Variants in PDGFRB observed in about 807,000 individuals in gnomAD.
The protein encoded by PDGFRB is platelet-derived growth factor receptor beta.
In PDGFRB, 42 loss-of-function variants were observed where a neutral mutation model predicts 120.2. The ratio of observed to expected loss-of-function variants is 0.35; its 90% CI spans 0.27 to 0.45. The LOEUF (loss-of-function observed/expected upper bound fraction) is 0.45. Ranked by LOEUF, PDGFRB falls within the 20% of genes least tolerant of loss-of-function variation. The pLI, the probability that PDGFRB is intolerant of heterozygous loss-of-function variation, is 1.00. For missense variants in PDGFRB, 1,149 were observed against 1,476.3 expected, an observed-to-expected ratio of 0.78 and a Z score of 3.63; for synonymous variants, 586 against 606.8, an observed-to-expected ratio of 0.97 and a Z score of 0.50.
At chr5:150,127,843 A>AAC (rs1435973572) in intron 10 of PDGFRB, among the ~76,000 whole-genome samples, 1 of 148,212 alleles carries the variant, frequency 6.7e-6, no homozygotes, top group East Asian at 2.1e-4. Context: ...TAAAAAAAAA[A>AAC]AAAAAAAAAA....
At position 150,114,561 on chromosome 5, in the gene PDGFRB, G is replaced by A. The variant is rs921940321; in HGVS notation, c.*1202C>T. 2 of 233,070 alleles carry A rather than the reference G, an allele frequency of 8.6e-6. No homozygotes were observed. Among genetic ancestry groups the A allele is most frequent in the Middle Eastern group, 1.2e-3 (1 of 808 alleles). The allele number at this position is 233,070 out of a possible 1,614,324, so 14.4% of individuals were successfully genotyped here. ...GCTGCTGGGGGCTTTCCAGGACACC[G>A]GCTGTCACTCTAAGTCAAGGCCTGT... On this transcript the variant is annotated 3_prime_UTR_variant, in exon 23 of 23. Coordinates refer to ENST00000261799, the MANE Select transcript of PDGFRB (RefSeq NM_002609.4).
Position 150,125,520 on chromosome 5 carries a change from C to G in PDGFRB, c.1732G>C (p.Glu578Gln). 6.2e-7 allele frequency: 1 copy of G among 1,613,990 alleles called. No homozygotes were observed. Among genetic ancestry groups the G allele is most frequent in the Non-Finnish European group, 8.5e-7 (1 of 1,179,842 alleles). Residue 578 changes from glutamate to glutamine, a missense_variant, in exon 12 of 23, where the codon GAG becomes CAG. Physicochemically the swap from Glu to Gln is conservative, Grantham distance 29 (BLOSUM62 2). Around this residue, in one of 3 missense-constraint regions of PDGFRB, gnomAD observed 879 missense variants for 1,108.6 expected, o/e 0.79. Transcript: ENST00000261799. ...VIESVSSDGHEYIYVDPMQLP... is the reference protein window; with the variant it reads ...VIESVSSDGHQYIYVDPMQLP... Reference sequence around the variant, plus strand: ...TGCATGGGGTCCACGTAGATGTACTCATGGCCGTCAGAGCTCACAGACTCA... The same window carrying G: ...TGCATGGGGTCCACGTAGATGTACTGATGGCCGTCAGAGCTCACAGACTCA...
intron 1 of PDGFRB, among the ~76,000 whole-genome samples, chr5:150,154,344 T>C (rs952129001): frequency 1.3e-5 from 2 of 152,044 alleles, no homozygotes; most frequent in African/African-American, 2.4e-5. Flanking sequence ...CACGGGGAGA[T>C]TCCAACCTCT....
chr5:150,151,347 T>C (rs1445348892), intron 1 of PDGFRB, among the ~76,000 whole-genome samples: 1 of 152,180 alleles, frequency 6.6e-6, no homozygotes, highest in African/African-American at 2.4e-5. Context: ...CCCATAGGGT[T>C]CTAGGGTCTG....
At chr5:150,128,734 T>A (rs1416071569) in intron 10 of PDGFRB, among the ~76,000 whole-genome samples, 1 of 152,210 alleles carries the variant, frequency 6.6e-6, no homozygotes, top group Admixed American at 6.5e-5. Context: ...CTGAATCCCA[T>A]AGCTGGGCAT....
chr5:150,143,614 C>T (rs1165659427), intron 1 of PDGFRB, among the ~76,000 whole-genome samples: 1 of 152,186 alleles, frequency 6.6e-6, no homozygotes. Flanking sequence ...CAGCCTGGGC[C>T]TGGCGGCAAG....
intron 4 of PDGFRB, 25 bp from the exon 5 acceptor site, chr5:150,134,033 T>A (rs1273434786): frequency 3.7e-6 from 6 of 1,612,802 alleles, no homozygotes; most frequent in South Asian, 1.1e-5. Flanking sequence ...TTGGCTTAGG[T>A]CTGGGGAAGT....
intron 10 of PDGFRB, among the ~76,000 whole-genome samples, chr5:150,127,332 G>C (rs1454550528): frequency 6.6e-6 from 1 of 152,020 alleles, no homozygotes; most frequent in Non-Finnish European, 1.5e-5. Flanking sequence ...CCCCTGCCCT[G>C]CCCTGCTGGC....
chr5:150,150,020 A>G (rs1761029294), intron 1 of PDGFRB, among the ~76,000 whole-genome samples: 1 of 152,226 alleles, frequency 6.6e-6, no homozygotes, highest in Non-Finnish European at 1.5e-5. Flanking sequence ...AGAGGAAACT[A>G]TGATTAGAAT....
Position 150,132,234 on chromosome 5 carries a change from T to C in PDGFRB, c.1128-140A>G. The C allele has an allele frequency of 1.6e-6, 1 of 609,744 alleles. No individual in the cohort carries two copies. The highest frequency in any genetic ancestry group is 3.0e-6 in the Non-Finnish European group (1 of 336,018). The allele number at this position is 609,744 out of a possible 1,614,324, so 37.8% of individuals were successfully genotyped here. ...TCGGCATTGGTAGCAGAGCCGGGAC[T>C]CAAACCAGGTCTCGTAAATCCTCAC... On this transcript the variant is annotated intron_variant, in intron 7 of 22. Transcript: ENST00000261799. The surrounding 1 kb of genome is among the most constrained non-coding windows in gnomAD (Gnocchi z 5.0).
intron 1 of PDGFRB, among the ~76,000 whole-genome samples, chr5:150,150,244 C>T (rs1761036598): frequency 6.6e-6 from 1 of 152,198 alleles, no homozygotes; most frequent in South Asian, 2.1e-4. Context: ...GAGCCCAGGT[C>T]CCAGGCTCAG....
intron 2 of PDGFRB, 47 bp from the exon 3 acceptor site, chr5:150,135,925 C>T (rs769037726): frequency 7.2e-7 from 1 of 1,389,982 alleles, no homozygotes; most frequent in East Asian, 2.4e-5. Context: ...GGCTTCAGCA[C>T]CTCTCCCAAG....
intron 10 of PDGFRB, among the ~76,000 whole-genome samples, chr5:150,129,040 C>T (rs1483599363): frequency 1.3e-5 from 2 of 152,200 alleles, no homozygotes; most frequent in Non-Finnish European, 2.9e-5. Context: ...AGAAATTACA[C>T]GTGTATGTGT....
intron 21 of PDGFRB, 78 bp from the exon 22 acceptor site, chr5:150,117,928 C>T: frequency 1.3e-6 from 1 of 792,594 alleles, no homozygotes; most frequent in Non-Finnish European, 2.1e-6. Flanking sequence ...CTAACCGAGC[C>T]CATCCCCCTT....
rs17708515 is a variant in PDGFRB, at chr5:150,135,817, G to A, written c.102C>T (p.Val34=). The A allele has an allele frequency of 7.4e-3, 11,713 of 1,579,558 alleles. 401 individuals carry two copies. The highest frequency in any genetic ancestry group is 0.063 in the Admixed American group (3,465 of 55,386). ...LLEPQISQGL[V]VTPPGPELVL... ...CAAGCTCTGGCCCCGGGGGTGTGAC[G>A]ACCAGGCCCTGAGAGATCTGTGGTT... is the stretch of plus-strand genomic sequence containing the variant. The change falls in exon 3 of 23, where the codon GTC becomes GTT. Residue 34 remains valine (V), a synonymous_variant. Coordinates refer to ENST00000261799, the MANE Select transcript of PDGFRB (RefSeq NM_002609.4).
rs540480924 is a variant in PDGFRB, at chr5:150,129,864, A to G, written c.1472T>C (p.Val491Ala). 2.3e-5 allele frequency: 37 copies of G among 1,614,054 alleles called. No homozygotes were observed. The Admixed American group carries it at 5.3e-4, about 23-fold the overall frequency. ...GTGCTGCAGACGCAGTGTGCTCACCACCTCAAACTCCTGCTCCTCCTCCCA... is the reference window on the plus strand; with the variant it reads ...GTGCTGCAGACGCAGTGTGCTCACCGCCTCAAACTCCTGCTCCTCCTCCCA... ...TYWEEEQEFE[V>A]VSTLRLQHVD... The change falls in exon 10 of 23, where the codon GTG becomes GCG. Residue 491 changes from valine to alanine, a missense_variant. Physicochemically the swap from Val to Ala is moderately conservative, Grantham distance 64. This residue lies in a region of PDGFRB where 879 missense variants were observed against 1,108.6 expected (regional missense o/e 0.79). Transcript: ENST00000261799.
In PDGFRB at chr5:150,132,623, C is replaced by T; in HGVS notation, c.1127+127G>A. On this transcript the variant is annotated intron_variant, in intron 7 of 22. Transcript: ENST00000261799. The surrounding 1 kb of genome is among the most constrained non-coding windows in gnomAD (Gnocchi z 5.0). ...TGTCAGCTCTGGTCGCTGCAGCATCCCCAGCACCTGGCACCTAATATGCTC... is the reference window on the plus strand; with the variant it reads ...TGTCAGCTCTGGTCGCTGCAGCATCTCCAGCACCTGGCACCTAATATGCTC... 2 of 843,656 alleles carry T rather than the reference C, an allele frequency of 2.4e-6. No individual in the cohort carries two copies. The highest frequency in any genetic ancestry group is 3.6e-6 in the Non-Finnish European group (2 of 549,570). The allele number at this position is 843,656 out of a possible 1,614,324, so 52.3% of individuals were successfully genotyped here.
rs1368376 is a variant in PDGFRB at position 150,125,764 on chromosome 5, A to G, written c.1675-187T>C. Among the ~76,000 whole-genome samples, 7,787 of 152,280 alleles carry G rather than the reference A, an allele frequency of 0.051. 259 individuals carry two copies. The highest frequency in any genetic ancestry group is 0.075 in the Non-Finnish European group (5,098 of 68,008). Reference sequence around the variant, plus strand: ...CTTCGTGGGCTCGGAGGGAACAGGGACCAAGGGGCCCCAGAGGAGGCTTCA... The same window carrying G: ...CTTCGTGGGCTCGGAGGGAACAGGGGCCAAGGGGCCCCAGAGGAGGCTTCA... On this transcript the variant is annotated intron_variant, in intron 11 of 22. Transcript: ENST00000261799.
chr5:150,137,816 C>T (rs1434971718), intron 1 of PDGFRB, among the ~76,000 whole-genome samples: 1 of 152,162 alleles, frequency 6.6e-6, no homozygotes, highest in Non-Finnish European at 1.5e-5. Flanking sequence ...GAAGTTTACC[C>T]AAGATTCCAC....
Sources: allele counts gnomAD v4.1 joint callset (sites outside exome capture counted in the v4.1 genomes callset), GRCh38; gene constraint gnomAD v4.1.1; regional missense constraint gnomAD v4.1.1; non-coding constraint Gnocchi (gnomAD v3.1); transcripts MANE v1.5; gene names NCBI Gene and HGNC (gene_info 2026-07-23, HGNC 2026-07-21).